Variants in PCDHA3 observed in about 807,000 individuals in gnomAD.
The protein encoded by PCDHA3 is protocadherin alpha 3.
PCDHA3 carries 41 observed loss-of-function variants against 62.2 expected under a neutral mutation model. The observed-to-expected ratio is 0.66, with a 90% CI of 0.51 to 0.86. The LOEUF (loss-of-function observed/expected upper bound fraction) is 0.86, where lower values mean the gene tolerates loss of function less well. PCDHA3 is among the 40% of genes least tolerant of loss of function. PCDHA3 has a pLI of 0.00. For synonymous variants in PCDHA3, 640 were observed against 555.4 expected (o/e 1.15, Z -2.14); for missense variants, 1,304 against 1,241.2 (o/e 1.05, Z -0.76).
chr5:140,976,702 A>G (rs782610534), intron 1 of PCDHA3, among the ~76,000 whole-genome samples: 2 of 152,220 alleles, frequency 1.3e-5, no homozygotes, highest in Non-Finnish European at 2.9e-5. Context: ...AATAATGTTG[A>G]CTTTGCATTA....
intron 1 of PCDHA3, among the ~76,000 whole-genome samples, chr5:140,924,902 AAAATAAAATAAAAT>A (rs1442290811): frequency 5.1e-5 from 2 of 39,026 alleles, no homozygotes; most frequent in East Asian, 1.3e-3. Flanking sequence ...CTCAAAAAAA[AAAATAAAATAAAAT>A]AAAATAAAAT....
intron 3 of PCDHA3, among the ~76,000 whole-genome samples, chr5:141,007,375 A>G (rs2098319986): frequency 6.8e-6 from 1 of 146,418 alleles, no homozygotes; most frequent in Non-Finnish European, 1.5e-5. Context: ...ACATGATGGA[A>G]CACCATCTCT....
intron 1 of PCDHA3, chr5:140,808,943 G>C: frequency 1.9e-6 from 3 of 1,613,730 alleles, no homozygotes; most frequent in Non-Finnish European, 1.7e-6. Context: ...ATGGTCGGTG[G>C]GTGTGGGCCA....
intron 1 of PCDHA3, chr5:140,823,273 G>A: frequency 1.2e-6 from 2 of 1,612,518 alleles, no homozygotes; most frequent in Non-Finnish European, 1.7e-6. Context: ...GCGGGTGGGC[G>A]AGCGCCCGCT....
intron 1 of PCDHA3, chr5:140,830,028 G>A (rs2150179935): frequency 6.2e-7 from 1 of 1,613,878 alleles, no homozygotes; most frequent in Admixed American, 1.7e-5. Flanking sequence ...CCGCGCCACC[G>A]GCTGCTGGTG....
chr5:140,822,948 C>T (rs145265581), intron 1 of PCDHA3: 5 of 1,614,074 alleles, frequency 3.1e-6, no homozygotes, highest in Admixed American at 3.3e-5. Flanking sequence ...TAATGCCCCA[C>T]GTTCCCTTCA....
intron 1 of PCDHA3, among the ~76,000 whole-genome samples, chr5:140,950,920 T>TTTCTGCTACTTTTAACTG (rs1554219690): frequency 2.6e-5 from 4 of 152,202 alleles, no homozygotes; most frequent in African/African-American, 9.6e-5. Context: ...TTATTTCAGT[T>TTTCTGCTACTTTTAACTG]CTTTTTCTTT....
chr5:140,969,372 T>G, intron 1 of PCDHA3: 1 of 1,606,704 alleles, frequency 6.2e-7, no homozygotes, highest in Non-Finnish European at 8.5e-7. Context: ...ACTCATGCAT[T>G]TGTTACACAT....
chr5:140,849,729 G>C lies in PCDHA3; in HGVS notation c.2394+46138G>C, dbSNP rs1180272167. 2.5e-6 allele frequency: 4 copies of C among 1,598,492 alleles called. 1 individual carries two copies. Among genetic ancestry groups the C allele is most frequent in the Non-Finnish European group, 3.4e-6 (4 of 1,168,006 alleles). On this transcript the variant is annotated intron_variant, in intron 1 of 3. Coordinates refer to ENST00000522353, the MANE Select transcript of PCDHA3 (RefSeq NM_018906.3). Reference sequence around the variant, plus strand: ...TTACTACTCGTTGGTGCTGGACAGAGCTCTGGACCGCGAGAGTGTGTCCGC... The same window carrying C: ...TTACTACTCGTTGGTGCTGGACAGACCTCTGGACCGCGAGAGTGTGTCCGC...
At chr5:140,917,324 C>CGG (rs1299895515) in intron 1 of PCDHA3, among the ~76,000 whole-genome samples, 73 of 76,040 alleles carry the variant, frequency 9.6e-4, no homozygotes, top group South Asian at 2.7e-3. Flanking sequence ...GTTCATGTGG[C>CGG]GGGGGAGGGG....
chr5:140,832,420 A>C (rs1771976831), intron 1 of PCDHA3, among the ~76,000 whole-genome samples: 1 of 152,226 alleles, frequency 6.6e-6, no homozygotes, highest in African/African-American at 2.4e-5. Flanking sequence ...TTCTAAAAGA[A>C]GTACATGATA....
chr5:140,869,056 GTAC>G, intron 1 of PCDHA3: 2 of 1,549,424 alleles, frequency 1.3e-6, no homozygotes, highest in Non-Finnish European at 1.7e-6. Flanking sequence ...GAAGAATCTG[GTAC>G]TGTAAGTGTA....
In PCDHA3 at chr5:140,870,564, G is replaced by A. The variant is rs782511789; in HGVS notation, c.2394+66973G>A. ...GGGACGCGGACGCGCAGGAGAACGCGCTGGTGTCCTACTCGCTGGTGGAGC... is the reference window on the plus strand; with the variant it reads ...GGGACGCGGACGCGCAGGAGAACGCACTGGTGTCCTACTCGCTGGTGGAGC... On this transcript the variant is annotated intron_variant, in intron 1 of 3. Coordinates refer to ENST00000522353, the MANE Select transcript of PCDHA3 (RefSeq NM_018906.3). 2.5e-6 allele frequency: 4 copies of A among 1,613,884 alleles called. No individual in the cohort carries two copies. In the African/African-American group the frequency reaches 4.0e-5, roughly 16 times the overall value.
chr5:140,961,366 C>A (rs1384222732), intron 1 of PCDHA3, among the ~76,000 whole-genome samples: 2 of 152,144 alleles, frequency 1.3e-5, no homozygotes, highest in Non-Finnish European at 2.9e-5. Context: ...CATTAGAATT[C>A]TCCTTCTAGT....
chr5:140,801,292 A>G lies in PCDHA3; in HGVS notation c.95A>G (p.His32Arg), dbSNP rs1554121367. 3 of 1,613,480 alleles carry G rather than the reference A, an allele frequency of 1.9e-6. No homozygotes were observed. Among genetic ancestry groups the G allele is most frequent in the East Asian group, 2.2e-5 (1 of 44,892 alleles). Reference protein sequence around the residue: ...AASEVGSGQLHYSVSEEAKHG... With the variant: ...AASEVGSGQLRYSVSEEAKHG... Reference sequence around the variant, plus strand: ...TCGGAGGTGGGGAGCGGCCAGCTCCACTACTCCGTCTCTGAGGAGGCCAAG... The same window carrying G: ...TCGGAGGTGGGGAGCGGCCAGCTCCGCTACTCCGTCTCTGAGGAGGCCAAG... The change falls in exon 1 of 4, where the codon CAC (histidine) becomes CGC (arginine). Residue 32 changes from histidine to arginine, a missense_variant. By Grantham distance (29) the His-to-Arg change is conservative. Coordinates refer to ENST00000522353, the MANE Select transcript of PCDHA3 (RefSeq NM_018906.3).
chr5:140,836,159 G>C, intron 1 of PCDHA3: 1 of 1,613,838 alleles, frequency 6.2e-7, no homozygotes, highest in Non-Finnish European at 8.5e-7. Context: ...ATGTGGTGGC[G>C]AAGGTACGTG....
intron 1 of PCDHA3, among the ~76,000 whole-genome samples, chr5:140,922,896 A>C (rs551056851): frequency 1.6e-3 from 238 of 152,336 alleles, no homozygotes; most frequent in Non-Finnish European, 2.0e-3. Context: ...TTCAAGAAAA[A>C]ATTTTGAGAT....
At chr5:140,976,894 CAGT>C (rs1199753516) in intron 1 of PCDHA3, among the ~76,000 whole-genome samples, 1 of 152,132 alleles carries the variant, frequency 6.6e-6, no homozygotes, top group African/African-American at 2.4e-5. Context: ...ATACATGCAA[CAGT>C]ATGTAATAAA....
intron 1 of PCDHA3, chr5:140,875,308 A>G (rs757619394): frequency 2.7e-5 from 39 of 1,423,476 alleles, no homozygotes; most frequent in Non-Finnish European, 3.4e-5. Flanking sequence ...CTCCGCACCC[A>G]CATTCCAATC....
Sources: gnomAD v4.1 joint callset for allele counts (sites outside exome capture counted in the v4.1 genomes callset) on GRCh38, gnomAD v4.1.1 for gene constraint, MANE v1.5 for transcripts, NCBI Gene and HGNC (gene_info 2026-07-23, HGNC 2026-07-21) for gene names.